Variants in PTDSS1 observed in about 807,000 individuals in gnomAD.
PTDSS1 encodes the protein phosphatidylserine synthase 1.
PTDSS1 carries 45 observed loss-of-function variants against 70.5 expected under a neutral mutation model. The observed-to-expected ratio is 0.64, with a 90% CI of 0.50 to 0.82. The LOEUF (loss-of-function observed/expected upper bound fraction) is 0.82. Ranked by LOEUF, PTDSS1 falls within the 40% of genes least tolerant of loss-of-function variation. The pLI, the probability that PTDSS1 is intolerant of heterozygous loss-of-function variation, is 0.00. For missense variants in PTDSS1, 417 were observed against 586.1 expected (o/e 0.71, Z 2.98); for synonymous variants, 188 against 203.8 (o/e 0.92, Z 0.66).
chr8:96,283,892 G>A lies in PTDSS1; in HGVS notation c.272-217G>A, dbSNP rs1402037470. On this transcript the variant is annotated intron_variant, in intron 2 of 12. Transcript: ENST00000517309. ...TTATAAAAAATCTCTGTTGTGGAGAGTGGTGCCTGTGATGATTGTGGTGAC... is the reference window on the plus strand; with the variant it reads ...TTATAAAAAATCTCTGTTGTGGAGAATGGTGCCTGTGATGATTGTGGTGAC... 6.0e-6 allele frequency: 3 copies of A among 503,632 alleles called. No homozygotes were observed. The East Asian group carries it at 1.0e-4, about 17-fold the overall frequency. The allele number at this position is 503,632 out of a possible 1,614,324, so 31.2% of individuals were successfully genotyped here.
chr8:96,330,921 T>G, intron 11 of PTDSS1, 105 bp from the exon 12 acceptor site: 2 of 934,686 alleles, frequency 2.1e-6, no homozygotes, highest in East Asian at 2.4e-5. Flanking sequence ...CCAGTGATGA[T>G]CCCAGCCTGG....
At chr8:96,304,812 A>G (rs1439617660) in intron 7 of PTDSS1, among the ~76,000 whole-genome samples, 1 of 152,240 alleles carries the variant, frequency 6.6e-6, no homozygotes, top group Non-Finnish European at 1.5e-5. Context: ...TTGTTTCACA[A>G]CTTTTGGAAA....
rs143753794 is a variant in PTDSS1 at position 96,265,573 on chromosome 8, A to G, written c.179+3354A>G. Among the ~76,000 whole-genome samples, 562 of 152,196 alleles carry G rather than the reference A, an allele frequency of 3.7e-3. 1 individual carries two copies. Among genetic ancestry groups the G allele is most frequent in the Non-Finnish European group, 6.0e-3 (410 of 68,026 alleles). On this transcript the variant is annotated intron_variant, in intron 1 of 12. Coordinates refer to ENST00000517309, the MANE Select transcript of PTDSS1 (RefSeq NM_014754.3). The stretch of plus-strand genomic sequence containing the variant: ...AGCCTGGACAACATGGTGTAACCCT[A>G]TCTCTACAAACAAACAAAACAAAAC...
Position 96,304,023 on chromosome 8 carries a change from C to A in PTDSS1, c.753-17C>A, listed in dbSNP as rs369350034. 1.2e-5 allele frequency: 19 copies of A among 1,595,174 alleles called. No homozygotes were observed. Among genetic ancestry groups the A allele is most frequent in the Non-Finnish European group, 1.4e-5 (17 of 1,173,772 alleles). ...CCTTATCTCTGGATTTTCACTGGAG[C>A]CATTCTCTTCTTACAGGGACATTCA... On this transcript the variant is annotated splice_polypyrimidine_tract_variant and intron_variant, in intron 6 of 12. Transcript: ENST00000517309.
In PTDSS1 at chr8:96,333,510, A is replaced by G. The variant is rs1811548203; in HGVS notation, c.1366A>G (p.Arg456Gly). Reference sequence around the variant, plus strand: ...AGGCAACAACGAAAGCCATTCTTCCAGGAGAAGGAATCGGCATTCCAAGTC... The same window carrying G: ...AGGCAACAACGAAAGCCATTCTTCCGGGAGAAGGAATCGGCATTCCAAGTC... ...HAGNNESHSS[R>G]RRNRHSKSKV... is the part of the protein sequence containing the mutation. Residue 456 changes from arginine to glycine, a missense_variant, in exon 13 of 13, where the codon AGG becomes GGG. Around this residue, in one of 3 missense-constraint regions of PTDSS1, gnomAD observed 107 missense variants for 122.3 expected, o/e 0.88. Coordinates refer to ENST00000517309, the MANE Select transcript of PTDSS1 (RefSeq NM_014754.3). The G allele has an allele frequency of 1.2e-6, 2 of 1,614,130 alleles. No homozygotes were observed. Among genetic ancestry groups the G allele is most frequent in the South Asian group, 1.1e-5 (1 of 91,088 alleles).
At position 96,269,181 on chromosome 8, in the gene PTDSS1, G is replaced by A. The variant is rs117227444; in HGVS notation, c.180-4118G>A. 3.1e-4 allele frequency among the ~76,000 whole-genome samples: 47 copies of A among 152,304 alleles called. No homozygotes were observed. The East Asian group carries it at 7.7e-3, about 25-fold the overall frequency. ...TGTCCTTATTGGAGAATGCATAATA[G>A]CAATCTTGACCTACAGCCAGCATTC... On this transcript the variant is annotated intron_variant, in intron 1 of 12. Transcript: ENST00000517309.
At chr8:96,290,710 C>T (rs1482944245) in intron 4 of PTDSS1, among the ~76,000 whole-genome samples, 2 of 151,942 alleles carry the variant, frequency 1.3e-5, no homozygotes, top group African/African-American at 4.8e-5. Context: ...TAATTCCTGG[C>T]TTCCCAGAGT....
At chr8:96,282,537 C>T (rs376445662) in intron 2 of PTDSS1, among the ~76,000 whole-genome samples, 1 of 152,164 alleles carries the variant, frequency 6.6e-6, no homozygotes, top group Non-Finnish European at 1.5e-5. Context: ...AGGAACCAAA[C>T]GCAAATGCAT....
chr8:96,321,671 TTTTTC>T (rs952935676), intron 10 of PTDSS1, among the ~76,000 whole-genome samples: 11 of 152,168 alleles, frequency 7.2e-5, no homozygotes, highest in Admixed American at 2.6e-4. Context: ...GGGTCTAGTT[TTTTTC>T]TTTTCTTTTC....
chr8:96,284,795 G>A (rs1179763045), intron 3 of PTDSS1, among the ~76,000 whole-genome samples: 1 of 152,196 alleles, frequency 6.6e-6, no homozygotes, highest in Admixed American at 6.5e-5. Flanking sequence ...GTAATCTTAT[G>A]TAAAAATGTA....
chr8:96,289,080 G>A (rs940801900), intron 4 of PTDSS1, among the ~76,000 whole-genome samples: 12 of 151,570 alleles, frequency 7.9e-5, no homozygotes, highest in African/African-American at 1.2e-4. Context: ...GACTACAGGC[G>A]CCTGCCACTA....
chr8:96,265,244 G>T (rs895546152), intron 1 of PTDSS1, among the ~76,000 whole-genome samples: 7 of 152,176 alleles, frequency 4.6e-5, no homozygotes, highest in African/African-American at 1.7e-4. Context: ...AAGACTAGTT[G>T]TCTAAGAGAA....
chr8:96,267,534 C>T (rs72678835), intron 1 of PTDSS1, among the ~76,000 whole-genome samples: 11,095 of 152,224 alleles, frequency 0.073, 570 homozygotes, highest in Non-Finnish European at 0.11. Flanking sequence ...TTAAAATTCT[C>T]GTTTATCTAA....
chr8:96,263,641 T>A (rs1015758013), intron 1 of PTDSS1, among the ~76,000 whole-genome samples: 32 of 152,216 alleles, frequency 2.1e-4, no homozygotes, highest in Non-Finnish European at 4.1e-4. Flanking sequence ...TCTGTCAGGG[T>A]CAGCAGAACA....
intron 1 of PTDSS1, 96 bp from the exon 2 acceptor site, chr8:96,273,203 C>A: frequency 2.6e-6 from 2 of 766,906 alleles, no homozygotes; most frequent in Non-Finnish European, 4.1e-6. Context: ...ATACATCTGG[C>A]AGTCCCCCAG....
At chr8:96,285,357 G>A (rs2130052016) in intron 3 of PTDSS1, among the ~76,000 whole-genome samples, 1 of 152,306 alleles carries the variant, frequency 6.6e-6, no homozygotes. Flanking sequence ...TAGGAGAGAA[G>A]TCAGAGAGTC....
At chr8:96,300,211 C>T (rs1319223390) in intron 6 of PTDSS1, among the ~76,000 whole-genome samples, 1 of 152,086 alleles carries the variant, frequency 6.6e-6, no homozygotes, top group Non-Finnish European at 1.5e-5. Flanking sequence ...CTTCCCACAC[C>T]ATTGCTTGAG....
chr8:96,284,215 A>G, intron 3 of PTDSS1, 62 bp downstream of exon 3: 10 of 1,450,100 alleles, frequency 6.9e-6, no homozygotes, highest in South Asian at 1.2e-5. Context: ...TCTGCTTATC[A>G]CTTTAAGACT....
At chr8:96,281,187 A>G (rs546407846) in intron 2 of PTDSS1, among the ~76,000 whole-genome samples, 3 of 152,174 alleles carry the variant, frequency 2.0e-5, no homozygotes, top group African/African-American at 7.2e-5. Flanking sequence ...GATTTTTTTT[A>G]AAAAAGTAAA....
Sources: gnomAD v4.1 joint callset for allele counts (sites outside exome capture counted in the v4.1 genomes callset) on GRCh38, gnomAD v4.1.1 for gene constraint, gnomAD v4.1.1 regional missense constraint, MANE v1.5 for transcripts, NCBI Gene and HGNC (gene_info 2026-07-23, HGNC 2026-07-21) for gene names.